The following OR51D1 variants were observed in gnomAD, a reference collection of about 807,000 sequenced individuals.
OR51D1 encodes the protein olfactory receptor family 51 subfamily D member 1, also known as olfactory receptor 51D1.
For missense variants in OR51D1, 452 were observed against 396.2 expected (o/e 1.14, Z -1.20); for synonymous variants, 187 against 161.1 (o/e 1.16, Z -1.22).
In OR51D1 at chr11:4,641,330, A is replaced by G. The variant is rs1365487392; in HGVS notation, c.*565A>G. On this transcript the variant is annotated 3_prime_UTR_variant, in exon 2 of 2. Coordinates refer to ENST00000641817, the MANE Select transcript of OR51D1 (RefSeq NM_001004751.3). ...TGCCCATTTGCATCTGTATGGCTCT[A>G]TATGACTATTTGTCCATAAGGGTGC... 1 of 156,150 alleles carries G rather than the reference A, an allele frequency of 6.4e-6. No individual in the cohort carries two copies. Among genetic ancestry groups the G allele is most frequent in the African/African-American group, 2.4e-5 (1 of 41,456 alleles). 9.7% of individuals were successfully genotyped at this position (156,150 alleles called of 1,614,324 possible). A position where few individuals can be genotyped will look rare whatever the true frequency, so the allele number is the denominator to read the frequency against.
Position 4,640,841 on chromosome 11 carries a change from T to C in OR51D1, c.*76T>C. 1 of 1,373,150 alleles carries C rather than the reference T, an allele frequency of 7.3e-7. No individual in the cohort carries two copies. The highest frequency in any genetic ancestry group is 1.4e-5 in the South Asian group (1 of 72,988). 85.1% of individuals were successfully genotyped at this position (1,373,150 alleles called of 1,614,324 possible). A position where few individuals can be genotyped will look rare whatever the true frequency, so the allele number is the denominator to read the frequency against. The stretch of plus-strand genomic sequence containing the variant: ...GGATCCTATTGAATGCCTTGGTGAT[T>C]AAAGTATCAAACCTATTGTGCTGTC... On this transcript the variant is annotated 3_prime_UTR_variant, in exon 2 of 2. Transcript: ENST00000641817.
At position 4,642,506 on chromosome 11, in the gene OR51D1, C is replaced by T. The variant is rs117382334; in HGVS notation, c.*1741C>T. On this transcript the variant is annotated 3_prime_UTR_variant, in exon 2 of 2. Transcript: ENST00000641817. ...CCGCAAGGTGGAGGTTGCAGTGAGC[C>T]GAGATCATGCCACTGCACTCCAGCC... 0.064 allele frequency: 8,690 copies of T among 135,824 alleles called. 372 individuals carry two copies. The highest frequency in any genetic ancestry group is 0.1 in the Middle Eastern group (23 of 224). 8.4% of individuals were successfully genotyped at this position (135,824 alleles called of 1,614,324 possible). A position where few individuals can be genotyped will look rare whatever the true frequency, so the allele number is the denominator to read the frequency against.
rs1589858694 is a variant in OR51D1 at position 4,640,433 on chromosome 11, A to G, written c.643A>G (p.Ile215Val). ...TRVNVVYGLF[I>V]ILSVMGVDSL... ...GGTCAATGTGGTTTATGGACTCTTC[A>G]TCATCCTCTCAGTCATGGGTGTGGA... The change falls in exon 2 of 2, where the codon ATC (isoleucine) becomes GTC (valine). Residue 215 changes from isoleucine (I) to valine (V), a missense_variant. Ile to Val is a conservative substitution (Grantham distance 29). Transcript: ENST00000641817. 5 of 1,614,098 alleles carry G rather than the reference A, an allele frequency of 3.1e-6. No individual in the cohort carries two copies. The East Asian group carries it at 8.9e-5, about 29-fold the overall frequency.
chr11:4,638,746 A>G (rs1846926123), intron 1 of OR51D1, among the ~76,000 whole-genome samples: 1 of 152,144 alleles, frequency 6.6e-6, no homozygotes, highest in South Asian at 2.1e-4. Context: ...GATTTAAAGC[A>G]CAAATTTCCT....
At chr11:4,639,698 G>T in intron 1 of OR51D1, 79 bp from the exon 2 acceptor site, 1 of 1,346,408 alleles carries the variant, frequency 7.4e-7, no homozygotes. Context: ...CCACTCCAAT[G>T]CCTTTTCCTC....
At chr11:4,639,432 G>T (rs1436330766) in intron 1 of OR51D1, among the ~76,000 whole-genome samples, 1 of 152,196 alleles carries the variant, frequency 6.6e-6, no homozygotes, top group Non-Finnish European at 1.5e-5. Flanking sequence ...TACTCTGATG[G>T]GAAAAGGCTA....
rs1300018428 is a variant in OR51D1, at chr11:4,640,815, A to G, written c.*50A>G. 2 of 1,527,516 alleles carry G rather than the reference A, an allele frequency of 1.3e-6. No homozygotes were observed. Among genetic ancestry groups the G allele is most frequent in the African/African-American group, 2.8e-5 (2 of 72,268 alleles). 94.6% of individuals were successfully genotyped at this position (1,527,516 alleles called of 1,614,324 possible). ...TACTACTACAGAAGATGGGAATATT[A>G]GGATCCTATTGAATGCCTTGGTGAT... On this transcript the variant is annotated 3_prime_UTR_variant, in exon 2 of 2. Coordinates refer to ENST00000641817, the MANE Select transcript of OR51D1 (RefSeq NM_001004751.3).
Position 4,640,510 on chromosome 11 carries a change from G to A in OR51D1, c.720G>A (p.Glu240=). The change falls in exon 2 of 2, where the codon GAG becomes GAA. Residue 240 remains glutamate (E), a synonymous_variant. Coordinates refer to ENST00000641817, the MANE Select transcript of OR51D1 (RefSeq NM_001004751.3). ...TCCTCATCCTGTGGGCTGTTTTGGA[G>A]CTGTCCTCTCGGAGGGCAGCACTCA... ...SYILILWAVL[E]LSSRRAALKA... 6.2e-7 allele frequency: 1 copy of A among 1,613,818 alleles called. No individual in the cohort carries two copies. Among genetic ancestry groups the A allele is most frequent in the Non-Finnish European group, 8.5e-7 (1 of 1,180,008 alleles).
At position 4,640,816 on chromosome 11, in the gene OR51D1, G is replaced by T. The variant is rs746953819; in HGVS notation, c.*51G>T. 2.6e-6 allele frequency: 4 copies of T among 1,517,632 alleles called. No individual in the cohort carries two copies. Among genetic ancestry groups the T allele is most frequent in the Non-Finnish European group, 3.6e-6 (4 of 1,123,498 alleles). 94.0% of individuals were successfully genotyped at this position (1,517,632 alleles called of 1,614,324 possible). On this transcript the variant is annotated 3_prime_UTR_variant, in exon 2 of 2. Coordinates refer to ENST00000641817, the MANE Select transcript of OR51D1 (RefSeq NM_001004751.3). ...ACTACTACAGAAGATGGGAATATTA[G>T]GATCCTATTGAATGCCTTGGTGATT... is the stretch of plus-strand genomic sequence containing the variant.
rs1327921746 is a variant in OR51D1, at chr11:4,640,707, C to T, written c.917C>T (p.Ala306Val). The change falls in exon 2 of 2, where the codon GCC becomes GTC. Residue 306 changes from alanine (A) to valine (V), a missense_variant. Physicochemically the swap from Ala to Val is moderately conservative, Grantham distance 64. Coordinates refer to ENST00000641817, the MANE Select transcript of OR51D1 (RefSeq NM_001004751.3). ...GTAGTCAACCCCCTTGTCTATGGAGCCAAGACCAAAGAGATCTGTTCAAGG... is the reference window on the plus strand; with the variant it reads ...GTAGTCAACCCCCTTGTCTATGGAGTCAAGACCAAAGAGATCTGTTCAAGG... ...PPVVNPLVYG[A>V]KTKEICSRVL... 1.9e-6 allele frequency: 3 copies of T among 1,613,886 alleles called. No homozygotes were observed. The highest frequency in any genetic ancestry group is 2.2e-5 in the South Asian group (2 of 91,050).
At chr11:4,637,992 G>A (rs1846918766) in intron 1 of OR51D1, among the ~76,000 whole-genome samples, 1 of 152,184 alleles carries the variant, frequency 6.6e-6, no homozygotes, top group Non-Finnish European at 1.5e-5. Context: ...CTCAGCAGGA[G>A]CCCCAGGTGT....
At chr11:4,638,153 G>T (rs558822999) in intron 1 of OR51D1, among the ~76,000 whole-genome samples, 1 of 152,266 alleles carries the variant, frequency 6.6e-6, no homozygotes, top group East Asian at 1.9e-4. Context: ...AAGAGGAACG[G>T]CCCCAATAAT....
At position 4,641,765 on chromosome 11, in the gene OR51D1, A is replaced by G. The variant is rs1846971246; in HGVS notation, c.*1000A>G. The G allele has an allele frequency of 6.6e-6, 1 of 152,622 alleles. No individual in the cohort carries two copies. Among genetic ancestry groups the G allele is most frequent in the African/African-American group, 2.4e-5 (1 of 41,440 alleles). 9.5% of individuals were successfully genotyped at this position (152,622 alleles called of 1,614,324 possible). A position where few individuals can be genotyped will look rare whatever the true frequency, so the allele number is the denominator to read the frequency against. ...TTTCAGCGTGTTTGGGTGTATGTCCACTGTGCATAATATTTGAGATGTAAA... is the reference window on the plus strand; with the variant it reads ...TTTCAGCGTGTTTGGGTGTATGTCCGCTGTGCATAATATTTGAGATGTAAA... On this transcript the variant is annotated 3_prime_UTR_variant, in exon 2 of 2. Coordinates refer to ENST00000641817, the MANE Select transcript of OR51D1 (RefSeq NM_001004751.3).
intron 1 of OR51D1, chr11:4,639,566 G>C (rs1339086955): frequency 1.8e-6 from 1 of 569,550 alleles, no homozygotes; most frequent in Non-Finnish European, 3.1e-6. Flanking sequence ...TGCAGCACTG[G>C]GGCCTTGGAG....
At chr11:4,637,837 C>G (rs34873248) in intron 1 of OR51D1, 84 bp downstream of exon 1, 43,874 of 152,836 alleles carry the variant, frequency 0.29, 7,991 homozygotes, top group Non-Finnish European at 0.42. Context: ...TGTGGTGGTG[C>G]TGGTGGTGAT....
In OR51D1 at chr11:4,640,463, C is replaced by G; in HGVS notation, c.673C>G (p.Leu225Val). The G allele has an allele frequency of 3.1e-6, 5 of 1,614,134 alleles. No homozygotes were observed. Among genetic ancestry groups the G allele is most frequent in the Non-Finnish European group, 3.4e-6 (4 of 1,180,028 alleles). The change falls in exon 2 of 2, where the codon CTC (leucine) becomes GTC (valine). Residue 225 changes from leucine to valine, a missense_variant. Physicochemically the swap from Leu to Val is conservative, Grantham distance 32. Coordinates refer to ENST00000641817, the MANE Select transcript of OR51D1 (RefSeq NM_001004751.3). The stretch of plus-strand genomic sequence containing the variant: ...CCTCTCAGTCATGGGTGTGGACTCT[C>G]TCTTCATTGGCTTCTCATATATCCT... ...IILSVMGVDS[L>V]FIGFSYILIL...
intron 1 of OR51D1, among the ~76,000 whole-genome samples, chr11:4,638,708 A>G (rs1289174222): frequency 6.6e-6 from 1 of 152,284 alleles, no homozygotes; most frequent in East Asian, 1.9e-4. Flanking sequence ...CCCCAAGAAC[A>G]CCAGAACAAC....
rs1054422853 is a variant in OR51D1 at position 4,642,660 on chromosome 11, G to C, written c.*1895G>C. 1.3e-5 allele frequency: 2 copies of C among 151,272 alleles called. No individual in the cohort carries two copies. The highest frequency in any genetic ancestry group is 2.4e-5 in the African/African-American group (1 of 41,144). The allele number at this position is 151,272 out of a possible 1,614,324, so 9.4% of individuals were successfully genotyped here. The stretch of plus-strand genomic sequence containing the variant: ...GCCAGTCAATCTCCCTTCTGTTGCC[G>C]CATGGAAACTCCCTTAAGGCAGGAA... On this transcript the variant is annotated 3_prime_UTR_variant, in exon 2 of 2. Coordinates refer to ENST00000641817, the MANE Select transcript of OR51D1 (RefSeq NM_001004751.3).
At position 4,640,479 on chromosome 11, in the gene OR51D1, C is replaced by T. The variant is rs762965780; in HGVS notation, c.689C>T (p.Ser230Leu). 6.2e-7 allele frequency: 1 copy of T among 1,614,088 alleles called. No homozygotes were observed. The highest frequency in any genetic ancestry group is 8.5e-7 in the Non-Finnish European group (1 of 1,180,040). ...MGVDSLFIGF[S>L]YILILWAVLE... is the part of the protein sequence containing the mutation. ...GTGGACTCTCTCTTCATTGGCTTCTCATATATCCTCATCCTGTGGGCTGTT... is the reference window on the plus strand; with the variant it reads ...GTGGACTCTCTCTTCATTGGCTTCTTATATATCCTCATCCTGTGGGCTGTT... Residue 230 changes from serine to leucine, a missense_variant, in exon 2 of 2, where the codon TCA (serine) becomes TTA (leucine). Transcript: ENST00000641817.
Sources: allele counts gnomAD v4.1 joint callset (sites outside exome capture counted in the v4.1 genomes callset), GRCh38; gene constraint gnomAD v4.1.1; transcripts MANE v1.5; gene names NCBI Gene and HGNC (gene_info 2026-07-23, HGNC 2026-07-21).